The following CUX1 variants were observed in gnomAD, a reference collection of about 807,000 sequenced individuals.
The protein encoded by CUX1 is protein CASP.
CUX1 carries 31 observed loss-of-function variants against 158.8 expected under a neutral mutation model. The ratio of observed to expected loss-of-function variants is 0.20; its 90% CI spans 0.15 to 0.26. The LOEUF (loss-of-function observed/expected upper bound fraction) is 0.26. Ranked by LOEUF, CUX1 falls within the 10% of genes least tolerant of loss-of-function variation. CUX1 has a pLI of 1.00. For synonymous variants in CUX1, 879 were observed against 862.1 expected (o/e 1.02, Z -0.34); for missense variants, 1,589 against 2,014.6 (o/e 0.79, Z 4.04).
intron 1 of CUX1, among the ~76,000 whole-genome samples, chr7:101,827,366 C>A (rs916226182): frequency 6.6e-6 from 1 of 151,918 alleles, no homozygotes; most frequent in Non-Finnish European, 1.5e-5. Context: ...AGTGCAGTGA[C>A]ATAATCATAG....
At chr7:102,208,713 G>A (rs998388847) in intron 20 of CUX1, among the ~76,000 whole-genome samples, 1 of 152,148 alleles carries the variant, frequency 6.6e-6, no homozygotes. Flanking sequence ...GATTGCTACA[G>A]GATTCCGATT....
chr7:102,070,937 T>A (rs1563203522), intron 4 of CUX1, among the ~76,000 whole-genome samples: 1 of 4,386 alleles, frequency 2.3e-4, no homozygotes, highest in East Asian at 0.17. Flanking sequence ...CAGTTGTTTC[T>A]TTTATTTTTT....
chr7:101,937,008 C>T (rs989643309), intron 2 of CUX1, among the ~76,000 whole-genome samples: 4 of 152,178 alleles, frequency 2.6e-5, no homozygotes, highest in African/African-American at 7.2e-5. Context: ...TGGGGACTTG[C>T]ATTTAGAACC....
At chr7:101,954,017 T>G (rs1232807495) in intron 2 of CUX1, among the ~76,000 whole-genome samples, 1 of 152,052 alleles carries the variant, frequency 6.6e-6, no homozygotes, top group Non-Finnish European at 1.5e-5. Context: ...AAGACCCCCA[T>G]CTCTACAAAA....
chr7:101,914,356 T>TCCC (rs1803891557), intron 1 of CUX1, among the ~76,000 whole-genome samples: 1 of 141,684 alleles, frequency 7.1e-6, no homozygotes, highest in African/African-American at 2.6e-5. Flanking sequence ...TCCTTCTTCC[T>TCCC]TCCTTCCTTC....
At chr7:102,014,957 G>T (rs888011612) in intron 2 of CUX1, among the ~76,000 whole-genome samples, 2 of 151,718 alleles carry the variant, frequency 1.3e-5, no homozygotes, top group African/African-American at 2.4e-5. Context: ...GCCTTGCCAA[G>T]ACCCTGCCTC....
chr7:102,209,640 G>A (rs1796335826), intron 20 of CUX1, among the ~76,000 whole-genome samples: 1 of 152,048 alleles, frequency 6.6e-6, no homozygotes, highest in Non-Finnish European at 1.5e-5. Context: ...TTATAACCAG[G>A]GTCATCTTTG....
At chr7:102,269,670 C>T (rs1242502346) in intron 14 of CUX1, among the ~76,000 whole-genome samples, 1 of 151,606 alleles carries the variant, frequency 6.6e-6, no homozygotes, top group Non-Finnish European at 1.5e-5. Flanking sequence ...GTGATCTGCC[C>T]GCCTCGGCCT....
chr7:101,839,179 C>T (rs887147008), intron 1 of CUX1, among the ~76,000 whole-genome samples: 2 of 152,192 alleles, frequency 1.3e-5, no homozygotes, highest in African/African-American at 2.4e-5. Flanking sequence ...ATATTGGAGG[C>T]TGGGGCTTCA....
intron 1 of CUX1, among the ~76,000 whole-genome samples, chr7:101,914,753 C>G (rs1201420757): frequency 6.6e-6 from 1 of 152,118 alleles, no homozygotes; most frequent in Non-Finnish European, 1.5e-5. Context: ...CCCACCTCGG[C>G]CTCCCAAAGT....
chr7:102,247,948 T>G (rs1356134921), intron 23 of CUX1, among the ~76,000 whole-genome samples: 3 of 152,046 alleles, frequency 2.0e-5, no homozygotes, highest in Admixed American at 2.0e-4. Context: ...CTGGCCAACA[T>G]GGTGAAACCC....
At chr7:102,142,654 G>A (rs1554500732) in intron 8 of CUX1, among the ~76,000 whole-genome samples, 1 of 149,070 alleles carries the variant, frequency 6.7e-6, no homozygotes, top group Non-Finnish European at 1.5e-5. Flanking sequence ...ATGTGTAATG[G>A]TGCACACCTG....
At chr7:102,014,422 G>A (rs992538843) in intron 2 of CUX1, among the ~76,000 whole-genome samples, 4 of 152,164 alleles carry the variant, frequency 2.6e-5, no homozygotes, top group African/African-American at 7.2e-5. Context: ...TTTTAGATAC[G>A]CTCTACGCTC....
At chr7:102,034,373 A>G (rs537211828) in intron 3 of CUX1, among the ~76,000 whole-genome samples, 47 of 152,246 alleles carry the variant, frequency 3.1e-4, no homozygotes, top group African/African-American at 1.1e-3. Flanking sequence ...AAATCCATTC[A>G]TGATTAAAAA....
chr7:102,135,764 C>T (rs1206751313), intron 8 of CUX1, among the ~76,000 whole-genome samples: 1 of 152,064 alleles, frequency 6.6e-6, no homozygotes, highest in East Asian at 1.9e-4. Flanking sequence ...CACTTGAGGT[C>T]ACGAGTTCAA....
intron 1 of CUX1, among the ~76,000 whole-genome samples, chr7:101,879,844 C>T (rs1054640616): frequency 1.3e-5 from 2 of 152,278 alleles, no homozygotes; most frequent in African/African-American, 2.4e-5. Flanking sequence ...GGTCTCTAAG[C>T]ACAGGACAGC....
intron 2 of CUX1, among the ~76,000 whole-genome samples, chr7:101,954,807 A>G (rs900064690): frequency 2.0e-5 from 3 of 152,138 alleles, no homozygotes; most frequent in African/African-American, 7.2e-5. Flanking sequence ...GACAAACTCC[A>G]TCTCCTTCCA....
At chr7:101,950,344 T>C (rs1008495465) in intron 2 of CUX1, among the ~76,000 whole-genome samples, 3 of 152,068 alleles carry the variant, frequency 2.0e-5, no homozygotes, top group South Asian at 2.1e-4. Flanking sequence ...AAGAAAATTA[T>C]ATGAAATTCC....
chr7:102,185,929 C>T (rs1793575368), intron 11 of CUX1, among the ~76,000 whole-genome samples: 1 of 152,162 alleles, frequency 6.6e-6, no homozygotes, highest in Non-Finnish European at 1.5e-5. Context: ...AAAAGTTTTG[C>T]AATCATGAAA....
Sources: gnomAD v4.1 joint callset for allele counts (sites outside exome capture counted in the v4.1 genomes callset) on GRCh38, gnomAD v4.1.1 for gene constraint, MANE v1.5 for transcripts, NCBI Gene and HGNC (gene_info 2026-07-23, HGNC 2026-07-21) for gene names.